RPS6KC1: variants seen among roughly 807,000 people sequenced by gnomAD.
RPS6KC1 encodes the protein inactive ribosomal protein S6 kinase delta-1.
A neutral mutation model predicts 103.8 loss-of-function variants in RPS6KC1; 54 were observed. That is an observed-to-expected ratio of 0.52 (90% confidence interval 0.42 to 0.65). The LOEUF (loss-of-function observed/expected upper bound fraction) is 0.65, where lower values mean the gene tolerates loss of function less well. Ranked by LOEUF, RPS6KC1 falls within the 30% of genes least tolerant of loss-of-function variation. The pLI is 0.00. For synonymous variants in RPS6KC1, 439 were observed against 438.7 expected, an observed-to-expected ratio of 1.00 and a Z score of -0.01; for missense variants, 1,151 against 1,253.8, an observed-to-expected ratio of 0.92 and a Z score of 1.24.
the RPS6KC1 span, among the ~76,000 whole-genome samples, chr1:213,658,462 A>G: frequency 6.6e-6 from 1 of 152,216 alleles, no homozygotes; most frequent in Non-Finnish European, 1.5e-5. Flanking sequence ...TAAGGACAAT[A>G]AAACTCCAAG....
chr1:213,450,457 C>T, the RPS6KC1 span, among the ~76,000 whole-genome samples: 1 of 151,696 alleles, frequency 6.6e-6, no homozygotes, highest in Non-Finnish European at 1.5e-5. Context: ...AAGTGGAATG[C>T]TCTTACTCTT....
At chr1:213,458,595 C>A in the RPS6KC1 span, among the ~76,000 whole-genome samples, 3 of 152,112 alleles carry the variant, frequency 2.0e-5, no homozygotes, top group African/African-American at 7.2e-5. Flanking sequence ...TTTGAATACC[C>A]TTTATTTCTT....
chr1:213,368,997 T>C, the RPS6KC1 span, among the ~76,000 whole-genome samples: 1 of 151,710 alleles, frequency 6.6e-6, no homozygotes, highest in Non-Finnish European at 1.5e-5. Flanking sequence ...CTTCCACAGT[T>C]GCGTACTGTC....
At chr1:213,210,232 CAAT>C (rs2093467598) in intron 8 of RPS6KC1, among the ~76,000 whole-genome samples, 2 of 152,140 alleles carry the variant, frequency 1.3e-5, no homozygotes, top group Non-Finnish European at 2.9e-5. Context: ...ACACCTCTGA[CAAT>C]AATATTTATC....
the RPS6KC1 span, among the ~76,000 whole-genome samples, chr1:213,626,281 T>A: frequency 1.3e-5 from 2 of 152,130 alleles, no homozygotes; most frequent in Non-Finnish European, 2.9e-5. Flanking sequence ...GGGGTTGTTT[T>A]TTTCTTGTAA....
chr1:213,627,178 C>G, the RPS6KC1 span, among the ~76,000 whole-genome samples: 89 of 152,178 alleles, frequency 5.8e-4, no homozygotes, highest in Non-Finnish European at 1.2e-3. Flanking sequence ...ATTTTATTCT[C>G]TTTGAAGCAG....
At chr1:213,578,399 G>A in the RPS6KC1 span, among the ~76,000 whole-genome samples, 1 of 152,232 alleles carries the variant, frequency 6.6e-6, no homozygotes, top group Non-Finnish European at 1.5e-5. Context: ...TAGTAGAGCT[G>A]TGAGAAGAGG....
At chr1:213,142,476 A>C (rs1335288373) in intron 6 of RPS6KC1, among the ~76,000 whole-genome samples, 1 of 152,016 alleles carries the variant, frequency 6.6e-6, no homozygotes, top group Non-Finnish European at 1.5e-5. Context: ...GTTCTTTCTC[A>C]TCTGTGTGGG....
intron 12 of RPS6KC1, among the ~76,000 whole-genome samples, chr1:213,257,026 A>G (rs34691780): frequency 0.45 from 67,878 of 152,012 alleles, 18,984 homozygotes; most frequent in Non-Finnish European, 0.62. Context: ...GTGTTCCATA[A>G]TAGGTCTATT....
intron 14 of RPS6KC1, among the ~76,000 whole-genome samples, chr1:213,267,691 A>G (rs1340042320): frequency 2.6e-5 from 4 of 151,158 alleles, no homozygotes; most frequent in South Asian, 4.1e-4. Flanking sequence ...ATGAATCAAC[A>G]AAGAGATTCT....
At chr1:213,285,553 G>A in the RPS6KC1 span, among the ~76,000 whole-genome samples, 4 of 152,268 alleles carry the variant, frequency 2.6e-5, no homozygotes, top group East Asian at 7.7e-4. Flanking sequence ...AGTGTGTAAT[G>A]GCTATATGCT....
the RPS6KC1 span, among the ~76,000 whole-genome samples, chr1:213,594,314 G>A: frequency 1.6e-3 from 240 of 152,072 alleles, 1 homozygote; most frequent in African/African-American, 5.2e-3. Flanking sequence ...AAGATTTAGC[G>A]CAAAAAGGGG....
chr1:213,785,366 A>G, the RPS6KC1 span, among the ~76,000 whole-genome samples: 2 of 152,114 alleles, frequency 1.3e-5, no homozygotes, highest in African/African-American at 2.4e-5. Context: ...ATCCTTGGAG[A>G]TGTCCGTGGA....
chr1:213,521,966 G>A, the RPS6KC1 span, among the ~76,000 whole-genome samples: 1 of 152,168 alleles, frequency 6.6e-6, no homozygotes, highest in Admixed American at 6.5e-5. Flanking sequence ...ACCTCCTCCT[G>A]TGAATCACAA....
At chr1:213,662,832 A>C in the RPS6KC1 span, among the ~76,000 whole-genome samples, 32,140 of 152,034 alleles carry the variant, frequency 0.21, 3,460 homozygotes, top group East Asian at 0.33. Flanking sequence ...TTGCCTGTCA[A>C]ATCTTTGCTT....
At chr1:213,197,221 C>T (rs1236130252) in intron 8 of RPS6KC1, among the ~76,000 whole-genome samples, 1 of 152,116 alleles carries the variant, frequency 6.6e-6, no homozygotes, top group African/African-American at 2.4e-5. Context: ...TAATGTGATG[C>T]CTCCAGATTT....
chr1:213,121,739 C>T (rs1335888614), intron 5 of RPS6KC1, among the ~76,000 whole-genome samples: 1 of 152,120 alleles, frequency 6.6e-6, no homozygotes, highest in African/African-American at 2.4e-5. Flanking sequence ...GTGTCATTTC[C>T]TCTTCCTAAT....
At chr1:213,851,908 T>C in the RPS6KC1 span, among the ~76,000 whole-genome samples, 3 of 152,174 alleles carry the variant, frequency 2.0e-5, no homozygotes, top group Non-Finnish European at 2.9e-5. Flanking sequence ...GTGCTATTCT[T>C]CTCTCTCCCA....
the RPS6KC1 span, among the ~76,000 whole-genome samples, chr1:213,691,199 G>A: frequency 6.6e-6 from 1 of 152,144 alleles, no homozygotes. Flanking sequence ...TTGCTGTGCC[G>A]AGCCAATCTA....
Sources: allele counts gnomAD v4.1 joint callset (sites outside exome capture counted in the v4.1 genomes callset), GRCh38; gene constraint gnomAD v4.1.1; transcripts MANE v1.5; gene names NCBI Gene and HGNC (gene_info 2026-07-23, HGNC 2026-07-21).